PTPRT: variants seen among roughly 807,000 people sequenced by gnomAD.
PTPRT encodes the protein receptor-type tyrosine-protein phosphatase T.
Under a neutral mutation model 176.8 loss-of-function variants are expected in PTPRT, and 56 were observed. The observed-to-expected ratio is 0.32, with a 90% confidence interval of 0.26 to 0.40. PTPRT has a LOEUF of 0.40. Ranked by LOEUF, PTPRT falls within the 10% of genes least tolerant of loss-of-function variation. The pLI is 1.00. For synonymous variants in PTPRT, 783 were observed against 739.0 expected, an observed-to-expected ratio of 1.06 and a Z score of -0.96; for missense variants, 1,540 against 1,908.2, an observed-to-expected ratio of 0.81 and a Z score of 3.60.
At chr20:42,039,692 G>GTATATATATATA in the PTPRT span, among the ~76,000 whole-genome samples, 156 of 113,282 alleles carry the variant, frequency 1.4e-3, 7 homozygotes, top group East Asian at 3.5e-3. Context: ...ATTCTGTTGT[G>GTATATATATATA]TATATATATA....
intron 27 of PTPRT, among the ~76,000 whole-genome samples, chr20:42,092,026 A>G (rs546260956): frequency 3.4e-4 from 52 of 152,220 alleles, no homozygotes; most frequent in Admixed American, 2.0e-3. Context: ...AGAAAGACGT[A>G]CTAAGGAGAT....
intron 2 of PTPRT, among the ~76,000 whole-genome samples, chr20:42,818,382 A>G (rs1053067375): frequency 2.0e-5 from 3 of 152,188 alleles, no homozygotes; most frequent in Non-Finnish European, 4.4e-5. Flanking sequence ...AACCCATTCA[A>G]GGGTCAGCAG....
intron 12 of PTPRT, among the ~76,000 whole-genome samples, chr20:42,307,282 T>A (rs2057557589): frequency 6.6e-6 from 1 of 152,180 alleles, no homozygotes; most frequent in Admixed American, 6.5e-5. Flanking sequence ...ACATTTTTCT[T>A]TCTCAGACTT....
chr20:42,726,672 T>G (rs564344799), intron 6 of PTPRT, among the ~76,000 whole-genome samples: 18 of 152,334 alleles, frequency 1.2e-4, no homozygotes, highest in Non-Finnish European at 2.2e-4. Flanking sequence ...GTCCCCATGC[T>G]GAGAAGACAC....
chr20:42,051,403 G>A, the PTPRT span, among the ~76,000 whole-genome samples: 2 of 152,234 alleles, frequency 1.3e-5, no homozygotes, highest in Admixed American at 6.5e-5. Context: ...GAAAAATGGG[G>A]AAGTGAGGCA....
intron 1 of PTPRT, among the ~76,000 whole-genome samples, chr20:42,923,880 T>C (rs60468658): frequency 0.029 from 4,478 of 151,990 alleles, 143 homozygotes; most frequent in African/African-American, 0.08. Context: ...TTTGCTCTGT[T>C]GCCCAGCAGG....
chr20:42,369,509 G>T (rs897570801), intron 9 of PTPRT, among the ~76,000 whole-genome samples: 1 of 152,108 alleles, frequency 6.6e-6, no homozygotes, highest in African/African-American at 2.4e-5. Context: ...TGGTGCTGTG[G>T]GAACATATTC....
downstream of PTPRT, among the ~76,000 whole-genome samples, chr20:42,068,471 A>G (rs1276311691): frequency 1.3e-5 from 2 of 152,188 alleles, no homozygotes; most frequent in African/African-American, 2.4e-5. Flanking sequence ...AATCCTCAGC[A>G]TACATTTCTT....
intron 7 of PTPRT, among the ~76,000 whole-genome samples, chr20:42,499,560 G>T (rs1261215879): frequency 6.6e-6 from 1 of 152,122 alleles, no homozygotes; most frequent in Non-Finnish European, 1.5e-5. Context: ...AAAATGCTGG[G>T]ATTACAGGCG....
chr20:42,092,545 G>A (rs1419775739), intron 27 of PTPRT, among the ~76,000 whole-genome samples: 2 of 152,170 alleles, frequency 1.3e-5, no homozygotes, highest in Non-Finnish European at 2.9e-5. Flanking sequence ...TTGAACTCAG[G>A]TCTCTTGACC....
At chr20:42,997,423 G>C (rs1342881029) in intron 1 of PTPRT, among the ~76,000 whole-genome samples, 2 of 148,802 alleles carry the variant, frequency 1.3e-5, no homozygotes, top group African/African-American at 2.6e-5. Flanking sequence ...AGTTCAAGAA[G>C]AGGCACACTT....
At chr20:42,823,529 T>C (rs563888438) in intron 2 of PTPRT, among the ~76,000 whole-genome samples, 2 of 151,926 alleles carry the variant, frequency 1.3e-5, no homozygotes, top group Admixed American at 6.6e-5. Context: ...ATAAACAAAA[T>C]GTAAAAATGA....
chr20:42,800,593 T>C (rs2077516813), intron 2 of PTPRT, among the ~76,000 whole-genome samples: 2 of 152,172 alleles, frequency 1.3e-5, no homozygotes, highest in Admixed American at 1.3e-4. Context: ...CACACATCCG[T>C]TGGCATGATA....
intron 9 of PTPRT, among the ~76,000 whole-genome samples, chr20:42,396,596 C>A (rs542256131): frequency 1.3e-5 from 2 of 152,318 alleles, no homozygotes; most frequent in South Asian, 4.1e-4. Context: ...CAGTCTTGCT[C>A]TGTTGCTTAG....
intron 8 of PTPRT, among the ~76,000 whole-genome samples, chr20:42,468,561 G>A (rs1218679546): frequency 6.6e-6 from 1 of 152,172 alleles, no homozygotes; most frequent in Non-Finnish European, 1.5e-5. Context: ...CTTTATTAAT[G>A]ATGTTTAATT....
chr20:42,450,332 T>A (rs2070806023), intron 8 of PTPRT, among the ~76,000 whole-genome samples: 1 of 152,222 alleles, frequency 6.6e-6, no homozygotes, highest in African/African-American at 2.4e-5. Flanking sequence ...TTCAGAAAGT[T>A]TGTACCATTC....
At chr20:42,894,025 T>A (rs1195148635) in intron 1 of PTPRT, among the ~76,000 whole-genome samples, 2 of 144,722 alleles carry the variant, frequency 1.4e-5, no homozygotes, top group Admixed American at 7.0e-5. Context: ...AATAAAAAAT[T>A]AAAAATTAAA....
Position 42,590,968 on chromosome 20 carries a change from GTGTGTGTA to G in PTPRT, c.1153+86890_1153+86897del, listed in dbSNP as rs1197523367. On this transcript the variant is annotated intron_variant, in intron 7 of 30. Coordinates refer to ENST00000373187, the MANE Select transcript of PTPRT (RefSeq NM_007050.6). Reference sequence around the variant, plus strand: ...TGTGTGTGTGTGTGTGTGTGTGTGTGTGTGTGTAATGGGGCATTCCAAAGAGGGACTTT... The same window carrying G: ...TGTGTGTGTGTGTGTGTGTGTGTGTGATGGGGCATTCCAAAGAGGGACTTT... 4.8e-3 allele frequency among the ~76,000 whole-genome samples: 683 copies of G among 141,590 alleles called. 5 individuals carry two copies. The highest frequency in any genetic ancestry group is 0.029 in the Middle Eastern group (8 of 278). The allele number at this position is 141,590 out of a possible 152,430, so 92.9% of individuals were successfully genotyped here.
intron 17 of PTPRT, among the ~76,000 whole-genome samples, chr20:42,148,260 A>ATTTTTT (rs34255255): frequency 7.5e-4 from 85 of 113,928 alleles, no homozygotes; most frequent in Non-Finnish European, 1.2e-3. Flanking sequence ...CAAGGCAGTC[A>ATTTTTT]TTTTTTTTTT....
Sources: gnomAD v4.1 joint callset for allele counts (sites outside exome capture counted in the v4.1 genomes callset) on GRCh38, gnomAD v4.1.1 for gene constraint, MANE v1.5 for transcripts, NCBI Gene and HGNC (gene_info 2026-07-23, HGNC 2026-07-21) for gene names.